PRELID2: variants seen among roughly 807,000 people sequenced by gnomAD.
The protein encoded by PRELID2 is PRELI domain containing 2.
Under a neutral mutation model 28.4 loss-of-function variants are expected in PRELID2, and 25 were observed. The observed-to-expected ratio is 0.88, with a 90% confidence interval of 0.64 to 1.23. The LOEUF is 1.23. PRELID2 is among the 50% of genes most tolerant of loss of function. The pLI is 0.00. For synonymous variants in PRELID2, 76 were observed against 71.6 expected (o/e 1.06, Z -0.31); for missense variants, 201 against 214.4 (o/e 0.94, Z 0.39).
At chr5:145,545,835 G>T (rs965549359) in intron 1 of PRELID2, among the ~76,000 whole-genome samples, 2 of 152,092 alleles carry the variant, frequency 1.3e-5, no homozygotes, top group Non-Finnish European at 2.9e-5. Flanking sequence ...CAATATCATG[G>T]TAAATAACTT....
At chr5:145,256,315 A>AT in the PRELID2 span, among the ~76,000 whole-genome samples, 25 of 150,860 alleles carry the variant, frequency 1.7e-4, no homozygotes, top group Admixed American at 4.0e-4. Flanking sequence ...CATATTTATT[A>AT]TTTTTTTTAA....
intron 1 of PRELID2, among the ~76,000 whole-genome samples, chr5:145,730,446 A>G (rs1479159288): frequency 6.6e-6 from 1 of 152,200 alleles, no homozygotes; most frequent in Non-Finnish European, 1.5e-5. Context: ...TTGACTATTC[A>G]TGCATGGCAT....
chr5:145,423,996 T>C, the PRELID2 span, among the ~76,000 whole-genome samples: 4 of 151,678 alleles, frequency 2.6e-5, no homozygotes, highest in Admixed American at 1.3e-4. Context: ...TACCCTGCCG[T>C]GTGAGGTGTC....
the PRELID2 span, among the ~76,000 whole-genome samples, chr5:145,279,613 ATTGCCAAGAACAGTAATTAG>A: frequency 6.6e-6 from 1 of 152,206 alleles, no homozygotes; most frequent in East Asian, 1.9e-4. Flanking sequence ...CATTATAATT[ATTGCCAAGAACAGTAATTAG>A]TTGCCAGGCC....
chr5:145,674,559 G>C (rs1331997260), intron 1 of PRELID2, among the ~76,000 whole-genome samples: 2 of 152,188 alleles, frequency 1.3e-5, no homozygotes, highest in African/African-American at 2.4e-5. Context: ...AAGTGGTATT[G>C]AGATACCTGG....
At chr5:145,659,544 G>C (rs1754453911) in intron 1 of PRELID2, among the ~76,000 whole-genome samples, 1 of 152,172 alleles carries the variant, frequency 6.6e-6, no homozygotes, top group African/African-American at 2.4e-5. Context: ...AGGCTGGTAG[G>C]AGTCAAGAAG....
At chr5:145,408,730 T>C in the PRELID2 span, among the ~76,000 whole-genome samples, 14 of 151,860 alleles carry the variant, frequency 9.2e-5, no homozygotes, top group Non-Finnish European at 1.9e-4. Flanking sequence ...TGTTTAACGA[T>C]CAGATGTAAG....
chr5:145,784,140 C>T (rs377149785), intron 5 of PRELID2, among the ~76,000 whole-genome samples: 20 of 151,232 alleles, frequency 1.3e-4, no homozygotes, highest in Admixed American at 2.6e-4. Flanking sequence ...AAAAATTAGC[C>T]GGGCATGGTG....
chr5:145,475,208 A>C (rs1270942281), intron 1 of PRELID2, among the ~76,000 whole-genome samples: 3 of 152,204 alleles, frequency 2.0e-5, no homozygotes, highest in African/African-American at 7.2e-5. Flanking sequence ...AATGAACTTA[A>C]TAAAAGTAAG....
the PRELID2 span, among the ~76,000 whole-genome samples, chr5:145,344,592 A>G: frequency 6.6e-6 from 1 of 152,022 alleles, no homozygotes; most frequent in Non-Finnish European, 1.5e-5. Flanking sequence ...TAATTGTTGG[A>G]TCAAAAAACA....
At chr5:145,286,626 C>G in the PRELID2 span, among the ~76,000 whole-genome samples, 332 of 151,922 alleles carry the variant, frequency 2.2e-3, 2 homozygotes, top group African/African-American at 7.7e-3. Context: ...TTTAAGTGCT[C>G]TAAACCACTG....
intron 1 of PRELID2, among the ~76,000 whole-genome samples, chr5:145,572,005 GA>G: frequency 6.7e-6 from 1 of 148,990 alleles, no homozygotes; most frequent in Non-Finnish European, 1.5e-5. Context: ...AAAGAAAAAA[GA>G]AAAAAAAGAA....
chr5:145,743,018 T>C (rs1421415103), intron 1 of PRELID2, among the ~76,000 whole-genome samples: 1 of 151,978 alleles, frequency 6.6e-6, no homozygotes, highest in East Asian at 1.9e-4. Context: ...TTATCCAATA[T>C]GAAATAGAAC....
chr5:145,358,634 G>A, the PRELID2 span, among the ~76,000 whole-genome samples: 1 of 152,044 alleles, frequency 6.6e-6, no homozygotes, highest in Non-Finnish European at 1.5e-5. Context: ...AGAAGAAAAA[G>A]GTCATCTCTT....
intron 1 of PRELID2, among the ~76,000 whole-genome samples, chr5:145,478,935 T>G (rs1752132373): frequency 6.6e-6 from 1 of 152,178 alleles, no homozygotes; most frequent in African/African-American, 2.4e-5. Flanking sequence ...CCTGGGCATG[T>G]GCAATAGAAA....
chr5:145,654,251 T>A (rs1167407237), intron 1 of PRELID2, among the ~76,000 whole-genome samples: 1 of 152,180 alleles, frequency 6.6e-6, no homozygotes, highest in Non-Finnish European at 1.5e-5. Flanking sequence ...ATTGAGGCAA[T>A]AATTGATAGC....
intron 1 of PRELID2, among the ~76,000 whole-genome samples, chr5:145,697,246 C>T (rs1393142961): frequency 6.6e-6 from 1 of 151,668 alleles, no homozygotes; most frequent in Non-Finnish European, 1.5e-5. Flanking sequence ...GACATAGATA[C>T]AGGCATCCCT....
chr5:145,705,194 C>T (rs1199451498), intron 1 of PRELID2, among the ~76,000 whole-genome samples: 3 of 151,672 alleles, frequency 2.0e-5, no homozygotes, highest in South Asian at 4.2e-4. Flanking sequence ...CCAAAAAGTA[C>T]CTTTTTTTTT....
At chr5:145,381,803 T>C in the PRELID2 span, 1 of 152,080 alleles carries the variant, frequency 6.6e-6, no homozygotes, top group Non-Finnish European at 1.5e-5. Flanking sequence ...ACAAAAATAA[T>C]TCTACAGAGG....
Sources: gnomAD v4.1 joint callset for allele counts (sites outside exome capture counted in the v4.1 genomes callset) on GRCh38, gnomAD v4.1.1 for gene constraint, MANE v1.5 for transcripts, NCBI Gene and HGNC (gene_info 2026-07-23, HGNC 2026-07-21) for gene names.